ADAMTS13: variants seen among roughly 807,000 people sequenced by gnomAD.
The protein encoded by ADAMTS13 is A disintegrin and metalloproteinase with thrombospondin motifs 13.
ADAMTS13 carries 110 observed loss-of-function variants against 155.1 expected under a neutral mutation model. The observed-to-expected ratio is 0.71, with a 90% CI of 0.61 to 0.83. The LOEUF (loss-of-function observed/expected upper bound fraction) is 0.83, where lower values mean the gene tolerates loss of function less well. Among genes scored for constraint, ADAMTS13 ranks in the 40% least tolerant of loss-of-function variants. The pLI is 0.00. For missense variants in ADAMTS13, 1,707 were observed against 1,891.7 expected (o/e 0.90, Z 1.81); for synonymous variants, 758 against 756.4 (o/e 1.00, Z -0.03).
chr9:133,454,523 C>T lies in ADAMTS13; in HGVS notation c.3153C>T (p.Asp1051=), dbSNP rs782748173. The T allele has an allele frequency of 5.8e-5, 93 of 1,611,120 alleles. No homozygotes were observed. The highest frequency in any genetic ancestry group is 1.3e-4 in the Admixed American group (8 of 60,000). ...QLDQGQDVEV[D]EAACAALVRP... is the part of the protein sequence containing the mutation. ...ACCAAGGCCAGGACGTGGAGGTGGACGAGGCGGCCTGTGCGGCGCTGGTGC... is the reference window on the plus strand; with the variant it reads ...ACCAAGGCCAGGACGTGGAGGTGGATGAGGCGGCCTGTGCGGCGCTGGTGC... The change falls in exon 24 of 29, where the codon GAC becomes GAT. Residue 1051 remains aspartate, a synonymous_variant. Transcript: ENST00000355699.
intron 9 of ADAMTS13, 111 bp downstream of exon 9, chr9:133,432,803 G>A: frequency 9.1e-7 from 1 of 1,098,512 alleles, no homozygotes; most frequent in Non-Finnish European, 1.3e-6. Flanking sequence ...GGGGCAGAGA[G>A]TCTTGGAGTT....
chr9:133,425,877 C>T lies in ADAMTS13; in HGVS notation c.415-61C>T, dbSNP rs587722205. On this transcript the variant is annotated intron_variant, in intron 4 of 28. Coordinates refer to ENST00000355699, the MANE Select transcript of ADAMTS13 (RefSeq NM_139027.6). The surrounding 1 kb of genome is among the most constrained non-coding windows in gnomAD (Gnocchi z 4.6). ...AGGACTAACTGGGAAACAAACCGAC[C>T]GCAGTCAGCACCGTGCCTGGTTGGG... 293 of 1,607,220 alleles carry T rather than the reference C, an allele frequency of 1.8e-4. No individual in the cohort carries two copies. The highest frequency in any genetic ancestry group is 2.7e-4 in the East Asian group (12 of 44,766).
At chr9:133,454,721 C>G in intron 24 of ADAMTS13, 102 bp downstream of exon 24, 1 of 1,394,758 alleles carries the variant, frequency 7.2e-7, no homozygotes, top group South Asian at 1.3e-5. Flanking sequence ...TCATCGTGTC[C>G]CCTGAAAGGA....
chr9:133,428,651 A>G lies in ADAMTS13; in HGVS notation c.704A>G (p.Asp235Gly). The stretch of plus-strand genomic sequence containing the variant: ...CCGACCAGCTTCGGCCTGGAGCACG[A>G]CGGCGCGCCCGGCAGCGGCTGCGGC... ...EIGHSFGLEH[D>G]GAPGSGCGPS... is the part of the protein sequence containing the mutation. Residue 235 changes from aspartate to glycine, a missense_variant, in exon 7 of 29, where the codon GAC (aspartate) becomes GGC (glycine). This residue lies in a region of ADAMTS13 where 733 missense variants were observed against 749.6 expected (regional missense o/e 0.98). Transcript: ENST00000355699. 2 of 1,323,430 alleles carry G rather than the reference A, an allele frequency of 1.5e-6. No homozygotes were observed. The highest frequency in any genetic ancestry group is 1.9e-6 in the Non-Finnish European group (2 of 1,030,194). The allele number at this position is 1,323,430 out of a possible 1,614,324, so 82.0% of individuals were successfully genotyped here. A position where few individuals can be genotyped will look rare whatever the true frequency, so the allele number is the denominator to read the frequency against.
In ADAMTS13 at chr9:133,424,608, C is replaced by T; in HGVS notation, c.330+130C>T. 7.3e-7 allele frequency: 1 copy of T among 1,370,516 alleles called. No individual in the cohort carries two copies. The highest frequency in any genetic ancestry group is 1.0e-6 in the Non-Finnish European group (1 of 996,970). The allele number at this position is 1,370,516 out of a possible 1,614,324, so 84.9% of individuals were successfully genotyped here. A position where few individuals can be genotyped will look rare whatever the true frequency, so the allele number is the denominator to read the frequency against. ...GGTAGAATGGCTCGGGGTTCTTCCT[C>T]TTCTCCCTCCCTCCCCTGGGTGGAG... On this transcript the variant is annotated intron_variant, in intron 3 of 28. Transcript: ENST00000355699. This position sits in a 1 kb window ranked among gnomAD's most constrained non-coding sequence, Gnocchi z 4.3.
At chr9:133,418,041 G>A, upstream of ADAMTS13, 1 of 589,576 alleles carries the variant, frequency 1.7e-6, no homozygotes, top group East Asian at 2.9e-5. Flanking sequence ...GTCCCCGGAA[G>A]CGCTCGTCTC....
intron 1 of ADAMTS13, chr9:133,416,009 T>C (rs1409240503): frequency 6.6e-6 from 1 of 152,202 alleles, no homozygotes; most frequent in African/African-American, 2.4e-5. Flanking sequence ...TATTAGTTCA[T>C]TGTGCACTGC....
upstream of ADAMTS13, chr9:133,417,868 C>T (rs781978308): frequency 6.3e-7 from 1 of 1,592,194 alleles, no homozygotes; most frequent in Non-Finnish European, 8.5e-7. Flanking sequence ...AGCGCCTGGG[C>T]CGGCGGCCAC....
intron 19 of ADAMTS13, among the ~76,000 whole-genome samples, chr9:133,443,897 G>A (rs1009564415): frequency 3.3e-5 from 5 of 151,980 alleles, no homozygotes; most frequent in East Asian, 3.9e-4. Context: ...CATCTCCCCC[G>A]TGCCCACGTG....
At chr9:133,419,807 C>T (rs1243887524), upstream of ADAMTS13, among the ~76,000 whole-genome samples, 2 of 152,024 alleles carry the variant, frequency 1.3e-5, no homozygotes, top group African/African-American at 4.8e-5. Context: ...GGCGTGATAT[C>T]GGCTCACCAC....
intron 11 of ADAMTS13, among the ~76,000 whole-genome samples, chr9:133,436,458 G>A (rs1468976762): frequency 2.0e-5 from 3 of 152,122 alleles, no homozygotes; most frequent in African/African-American, 4.8e-5. Flanking sequence ...CAGAGGCTTC[G>A]GTGGTGAGGT....
At chr9:133,443,139 T>C (rs1335386838) in intron 18 of ADAMTS13, among the ~76,000 whole-genome samples, 1 of 152,186 alleles carries the variant, frequency 6.6e-6, no homozygotes, top group Non-Finnish European at 1.5e-5. Context: ...CGGGGCACAC[T>C]GTTAGGGACG....
rs1840241982 is a variant in ADAMTS13 at position 133,425,819 on chromosome 9, T to A, written c.415-119T>A. ...ACTTCTCTGAGCCTCAGTTGTCTCA[T>A]CCCTAACACGGGCTAGTCATAGGGT... On this transcript the variant is annotated intron_variant, in intron 4 of 28. Transcript: ENST00000355699. The surrounding 1 kb of genome is among the most constrained non-coding windows in gnomAD (Gnocchi z 4.6). 10 of 1,522,190 alleles carry A rather than the reference T, an allele frequency of 6.6e-6. No individual in the cohort carries two copies. The highest frequency in any genetic ancestry group is 6.2e-6 in the Non-Finnish European group (7 of 1,127,542). The allele number at this position is 1,522,190 out of a possible 1,614,324, so 94.3% of individuals were successfully genotyped here.
At position 133,422,539 on chromosome 9, in the gene ADAMTS13, T is replaced by C. The variant is rs1840020699; in HGVS notation, c.96T>C (p.His32=). Residue 32 remains histidine (H), a synonymous_variant, in exon 1 of 29, where the codon CAT becomes CAC. Coordinates refer to ENST00000355699, the MANE Select transcript of ADAMTS13 (RefSeq NM_139027.6). ...GFLLGCWGPS[H]FQQSCLQALE... is the part of the protein sequence containing the mutation. ...TCCTGGGCTGCTGGGGACCCTCCCA[T>C]TTCCAGCAGGTGGGCTCATTTGCAG... 6.2e-7 allele frequency: 1 copy of C among 1,614,084 alleles called. No homozygotes were observed. Among genetic ancestry groups the C allele is most frequent in the Non-Finnish European group, 8.5e-7 (1 of 1,180,016 alleles).
rs587708341 is a variant in ADAMTS13 at position 133,451,322 on chromosome 9, A to G, written c.3044+1357A>G. Among the ~76,000 whole-genome samples the G allele has an allele frequency of 3.0e-4, 46 of 152,256 alleles. 1 individual carries two copies. The highest frequency in any genetic ancestry group is 6.8e-3 in the Middle Eastern group (2 of 294). ...GCTTTGTTGCCCAGGCAGTGATGCAATCTTGGCTCACTGCAACCTCCGCCT... is the reference window on the plus strand; with the variant it reads ...GCTTTGTTGCCCAGGCAGTGATGCAGTCTTGGCTCACTGCAACCTCCGCCT... On this transcript the variant is annotated intron_variant, in intron 23 of 28. Transcript: ENST00000355699.
Position 133,433,510 on chromosome 9 carries a change from C to T in ADAMTS13, c.1225C>T (p.Arg409Trp), listed in dbSNP as rs959872423. The T allele has an allele frequency of 4.3e-6, 7 of 1,613,404 alleles. No individual in the cohort carries two copies. The highest frequency in any genetic ancestry group is 5.9e-6 in the Non-Finnish European group (7 of 1,179,896). Residue 409 changes from arginine to tryptophan, a missense_variant, in exon 10 of 29, where the codon CGG becomes TGG. Physicochemically the swap from Arg to Trp is moderately radical, Grantham distance 101. Transcript: ENST00000355699. The stretch of plus-strand genomic sequence containing the variant: ...CGGAGGAGGTGTGGTCACCAGGAGG[C>T]GGCAGTGCAACAACCCCAGGTACCG... The part of the protein sequence containing the change: ...SCGGGVVTRR[R>W]QCNNPRPAFG...
rs1554791605 is a variant in ADAMTS13 at position 133,443,570 on chromosome 9, A to G, written c.2420+9A>G. ...CAGCCCTGCCCTGCCAGGTGAGCCC[A>G]GGGCTAGGTGGGGCTGGGAGAGGGC... On this transcript the variant is annotated intron_variant, in intron 19 of 28. Coordinates refer to ENST00000355699, the MANE Select transcript of ADAMTS13 (RefSeq NM_139027.6). The G allele has an allele frequency of 2.0e-6, 3 of 1,538,016 alleles. No individual in the cohort carries two copies. The highest frequency in any genetic ancestry group is 2.2e-4 in the Middle Eastern group (1 of 4,486).
Position 133,424,325 on chromosome 9 carries a change from C to T in ADAMTS13, c.177C>T (p.Arg59=). 3 of 1,612,544 alleles carry T rather than the reference C, an allele frequency of 1.9e-6. No homozygotes were observed. Among genetic ancestry groups the T allele is most frequent in the Non-Finnish European group, 8.5e-7 (1 of 1,179,914 alleles). ...GCTCTCCCTCTCCCCCTCCAGGCCG[C>T]CCTCCTTCCCCTGGCTTCCAGAGGC... ...YLSPGAPLKG[R]PPSPGFQRQR... Residue 59 remains arginine, a synonymous_variant, in exon 3 of 29, where the codon CGC becomes CGT. Coordinates refer to ENST00000355699, the MANE Select transcript of ADAMTS13 (RefSeq NM_139027.6). This position sits in a 1 kb window ranked among gnomAD's most constrained non-coding sequence, Gnocchi z 4.3.
In ADAMTS13 at chr9:133,441,005, G is replaced by C. The variant is rs1027602692; in HGVS notation, c.1968+480G>C. On this transcript the variant is annotated intron_variant, in intron 16 of 28. Transcript: ENST00000355699. The surrounding 1 kb of genome is among the most constrained non-coding windows in gnomAD (Gnocchi z 5.0). Reference sequence around the variant, plus strand: ...AGTGGCATCTGGGGAGTAGGCCTTGGTGCTGAGGAAGCTGAGAACAGATGC... The same window carrying C: ...AGTGGCATCTGGGGAGTAGGCCTTGCTGCTGAGGAAGCTGAGAACAGATGC... Among the ~76,000 whole-genome samples the C allele has an allele frequency of 2.0e-5, 3 of 152,174 alleles. No individual in the cohort carries two copies. The highest frequency in any genetic ancestry group is 1.3e-4 in the Admixed American group (2 of 15,288).
Sources: allele counts gnomAD v4.1 joint callset (sites outside exome capture counted in the v4.1 genomes callset), GRCh38; gene constraint gnomAD v4.1.1; regional missense constraint gnomAD v4.1.1; non-coding constraint Gnocchi (gnomAD v3.1); transcripts MANE v1.5; gene names NCBI Gene and HGNC (gene_info 2026-07-23, HGNC 2026-07-21).